SLIT2: variants seen among roughly 807,000 people sequenced by gnomAD.
The protein encoded by SLIT2 is slit homolog 2 protein.
SLIT2 carries 41 observed loss-of-function variants against 185.7 expected under a neutral mutation model. The observed-to-expected ratio is 0.22, with a 90% CI of 0.17 to 0.29. The LOEUF (loss-of-function observed/expected upper bound fraction) is 0.29. SLIT2 is among the 10% of genes least tolerant of loss of function. SLIT2 has a pLI of 1.00. For synonymous variants in SLIT2, 693 were observed against 680.2 expected (o/e 1.02, Z -0.29); for missense variants, 1,571 against 1,909.0 (o/e 0.82, Z 3.30).
chr4:20,313,451 A>AT (rs1718295601), intron 4 of SLIT2, among the ~76,000 whole-genome samples: 1 of 152,158 alleles, frequency 6.6e-6, no homozygotes, highest in Non-Finnish European at 1.5e-5. Flanking sequence ...CACCCCTGTC[A>AT]TCAAGTCAGC....
At chr4:20,473,409 G>A (rs1274801453) in intron 5 of SLIT2, among the ~76,000 whole-genome samples, 1 of 151,838 alleles carries the variant, frequency 6.6e-6, no homozygotes, top group African/African-American at 2.4e-5. Flanking sequence ...CTTTAGGTAA[G>A]CAAAAATATC....
chr4:20,617,570 A>G lies in SLIT2; in HGVS notation c.4268A>G (p.His1423Arg), dbSNP rs942621658. Residue 1423 changes from histidine (H) to arginine (R), a missense_variant, in exon 36 of 37, where the codon CAT becomes CGT. Physicochemically the swap from His to Arg is conservative, Grantham distance 29 (BLOSUM62 0). Around this residue, in one of 3 missense-constraint regions of SLIT2, gnomAD observed 223 missense variants for 245.2 expected, o/e 0.91. Transcript: ENST00000504154. ...FNPCQAIKCK[H>R]GKCRLSGLGQ... is the part of the protein sequence containing the mutation. ...CCATGCCAGGCGATCAAGTGCAAGC[A>G]TGGGAAGTGCAGGCTTTCAGGTCTG... is the stretch of plus-strand genomic sequence containing the variant. The G allele has an allele frequency of 1.2e-6, 2 of 1,613,774 alleles. No individual in the cohort carries two copies. Among genetic ancestry groups the G allele is most frequent in the Non-Finnish European group, 1.7e-6 (2 of 1,179,970 alleles).
intron 12 of SLIT2, among the ~76,000 whole-genome samples, chr4:20,520,033 CAAAAAAAAA>C (rs34644308): frequency 7.3e-5 from 5 of 68,386 alleles, no homozygotes; most frequent in African/African-American, 1.2e-4. Context: ...GACTCCGTCT[CAAAAAAAAA>C]AAAAAAAAAA....
rs1041108756 is a variant in SLIT2 at position 20,363,029 on chromosome 4, G to A, written c.395+94148G>A. Among the ~76,000 whole-genome samples, 7 of 151,994 alleles carry A rather than the reference G, an allele frequency of 4.6e-5. No homozygotes were observed. In the East Asian group the frequency reaches 1.4e-3, roughly 29 times the overall value. On this transcript the variant is annotated intron_variant, in intron 4 of 36. Coordinates refer to ENST00000504154, the MANE Select transcript of SLIT2 (RefSeq NM_004787.4). ...AGACTGAAACAATAAGAGCACTCGTGGCTTATTGAACCATGATAATCAAAG... is the reference window on the plus strand; with the variant it reads ...AGACTGAAACAATAAGAGCACTCGTAGCTTATTGAACCATGATAATCAAAG...
At chr4:20,334,160 A>G (rs999722999) in intron 4 of SLIT2, among the ~76,000 whole-genome samples, 1 of 152,288 alleles carries the variant, frequency 6.6e-6, no homozygotes, top group Non-Finnish European at 1.5e-5. Flanking sequence ...AGAGAAATTA[A>G]ATACTGAGGG....
intron 4 of SLIT2, among the ~76,000 whole-genome samples, chr4:20,382,589 A>T (rs1159148733): frequency 6.6e-6 from 1 of 152,190 alleles, no homozygotes; most frequent in Non-Finnish European, 1.5e-5. Context: ...ATATATACAC[A>T]TAAATGTAAT....
At chr4:20,406,536 A>G (rs1334178328) in intron 4 of SLIT2, among the ~76,000 whole-genome samples, 1 of 144,178 alleles carries the variant, frequency 6.9e-6, no homozygotes, top group African/African-American at 2.4e-5. Context: ...AATGGCTCAT[A>G]AATACATTAA....
At chr4:20,307,219 C>T (rs368523918) in intron 4 of SLIT2, among the ~76,000 whole-genome samples, 2 of 98,482 alleles carry the variant, frequency 2.0e-5, no homozygotes, top group Non-Finnish European at 2.1e-5. Flanking sequence ...TCTCTCCACC[C>T]CCTCTATTTC....
intron 4 of SLIT2, among the ~76,000 whole-genome samples, chr4:20,365,122 G>A (rs538769517): frequency 6.6e-6 from 1 of 152,226 alleles, no homozygotes; most frequent in South Asian, 2.1e-4. Flanking sequence ...CAAAGTTTCA[G>A]TGCAGGTCCC....
intron 4 of SLIT2, among the ~76,000 whole-genome samples, chr4:20,337,867 G>C (rs895578940): frequency 6.6e-6 from 1 of 151,970 alleles, no homozygotes. Context: ...CACTTTAGAG[G>C]TCCCAGTCAA....
At chr4:20,266,672 G>A (rs1043339625) in intron 3 of SLIT2, among the ~76,000 whole-genome samples, 3 of 152,094 alleles carry the variant, frequency 2.0e-5, no homozygotes, top group South Asian at 4.1e-4. Context: ...AAGTGCCAGG[G>A]AAGAAGGGAG....
At chr4:20,601,509 T>C (rs1275889710) in intron 33 of SLIT2, among the ~76,000 whole-genome samples, 1 of 152,242 alleles carries the variant, frequency 6.6e-6, no homozygotes, top group Non-Finnish European at 1.5e-5. Context: ...CCTTCTTTCA[T>C]TGAAAGGCAT....
At chr4:20,444,501 G>A (rs1711552875) in intron 4 of SLIT2, among the ~76,000 whole-genome samples, 1 of 152,066 alleles carries the variant, frequency 6.6e-6, no homozygotes, top group African/African-American at 2.4e-5. Flanking sequence ...CAGGCTTAGG[G>A]GTCACACAAA....
At chr4:20,599,740 C>A (rs1193882900) in intron 33 of SLIT2, among the ~76,000 whole-genome samples, 2 of 151,884 alleles carry the variant, frequency 1.3e-5, no homozygotes, top group Non-Finnish European at 2.9e-5. Flanking sequence ...ATTTTTAATA[C>A]TATATATAAT....
chr4:20,618,692 G>A (rs1729864431), intron 36 of SLIT2, 76 bp from the exon 37 acceptor site: 3 of 1,440,012 alleles, frequency 2.1e-6, no homozygotes, highest in Admixed American at 2.2e-5. Context: ...TCTGAATTAA[G>A]TTGTGGATTC....
chr4:20,440,822 T>C (rs1007078666), intron 4 of SLIT2, among the ~76,000 whole-genome samples: 10 of 152,204 alleles, frequency 6.6e-5, no homozygotes, highest in African/African-American at 2.4e-4. Flanking sequence ...AATTGTTCTT[T>C]TAACATTTGC....
chr4:20,364,302 T>C, intron 4 of SLIT2: 1 of 984,418 alleles, frequency 1.0e-6, no homozygotes, highest in Non-Finnish European at 1.2e-6. Context: ...TTAATTTCAA[T>C]AATGGTTCAA....
chr4:20,511,036 A>G, intron 10 of SLIT2, 30 bp from the exon 11 acceptor site: 1 of 1,384,674 alleles, frequency 7.2e-7, no homozygotes. Flanking sequence ...CATTTGATTG[A>G]ATGTAACCTA....
intron 26 of SLIT2, among the ~76,000 whole-genome samples, chr4:20,556,905 A>G (rs909729829): frequency 1.2e-4 from 18 of 152,080 alleles, no homozygotes; most frequent in African/African-American, 4.1e-4. Context: ...AGAAAATGAA[A>G]CAGCCTTATT....
Sources: allele counts gnomAD v4.1 joint callset (sites outside exome capture counted in the v4.1 genomes callset), GRCh38; gene constraint gnomAD v4.1.1; regional missense constraint gnomAD v4.1.1; transcripts MANE v1.5; gene names NCBI Gene and HGNC (gene_info 2026-07-23, HGNC 2026-07-21).